Variants in DAB1 observed in about 807,000 individuals in gnomAD.
The protein encoded by DAB1 is DAB adaptor protein 1.
A neutral mutation model predicts 64.6 loss-of-function variants in DAB1; 15 were observed. The observed-to-expected ratio is 0.23, with a 90% CI of 0.16 to 0.36. DAB1 has a LOEUF of 0.36. Ranked by LOEUF, DAB1 falls within the 10% of genes least tolerant of loss-of-function variation. DAB1 has a pLI of 1.00. For missense variants in DAB1, 596 were observed against 706.7 expected, an observed-to-expected ratio of 0.84 and a Z score of 1.78; for synonymous variants, 235 against 251.9, an observed-to-expected ratio of 0.93 and a Z score of 0.64.
intron 4 of DAB1, among the ~76,000 whole-genome samples, chr1:58,341,331 G>A (rs1038873429): frequency 3.3e-5 from 5 of 152,080 alleles, no homozygotes; most frequent in African/African-American, 1.2e-4. Context: ...CAGGAAAGTC[G>A]CATGCTTCTC....
chr1:58,296,445 G>A (rs974393701), intron 4 of DAB1, among the ~76,000 whole-genome samples: 44 of 152,136 alleles, frequency 2.9e-4, no homozygotes, highest in Non-Finnish European at 4.4e-4. Flanking sequence ...AGGCAGCTGC[G>A]GGTGGTTGGG....
At chr1:57,659,772 T>A (rs905529155) in intron 6 of DAB1, among the ~76,000 whole-genome samples, 1 of 151,582 alleles carries the variant, frequency 6.6e-6, no homozygotes, top group Non-Finnish European at 1.5e-5. Context: ...AGGTCAGGAG[T>A]TCAAGACCAG....
intron 2 of DAB1, among the ~76,000 whole-genome samples, chr1:57,182,121 G>A (rs1431294046): frequency 6.6e-6 from 1 of 152,160 alleles, no homozygotes; most frequent in Non-Finnish European, 1.5e-5. Context: ...TCCTGACCTT[G>A]TGATCTGCCC....
chr1:57,438,203 A>C (rs1213268669), intron 7 of DAB1, among the ~76,000 whole-genome samples: 1 of 151,646 alleles, frequency 6.6e-6, no homozygotes, highest in Non-Finnish European at 1.5e-5. Flanking sequence ...CACAAAGATC[A>C]TCTGAGATGA....
rs186336330 is a variant in DAB1 at position 57,128,835 on chromosome 1, C to T, written c.306+7708G>A. ...TGGTGAGCAGAAAAATGATCACTTGCTTGCAAGAGGCCCTCACTATGCCCA... is the reference window on the plus strand; with the variant it reads ...TGGTGAGCAGAAAAATGATCACTTGTTTGCAAGAGGCCCTCACTATGCCCA... On this transcript the variant is annotated intron_variant, in intron 4 of 14. Transcript: ENST00000371236. Among the ~76,000 whole-genome samples the T allele has an allele frequency of 4.9e-3, 750 of 152,276 alleles. 3 individuals are homozygous for T. Among genetic ancestry groups the T allele is most frequent in the Non-Finnish European group, 8.3e-3 (564 of 68,012 alleles).
At chr1:58,363,526 G>A (rs763449637) in intron 3 of DAB1, among the ~76,000 whole-genome samples, 4 of 152,210 alleles carry the variant, frequency 2.6e-5, no homozygotes, top group Non-Finnish European at 4.4e-5. Flanking sequence ...TTGTTAGAAG[G>A]AAGTTGATCA....
At chr1:58,294,598 C>T (rs1299520087) in intron 4 of DAB1, among the ~76,000 whole-genome samples, 1 of 152,098 alleles carries the variant, frequency 6.6e-6, no homozygotes, top group African/African-American at 2.4e-5. Flanking sequence ...GTCACAGAAA[C>T]ATGTCATGGA....
intron 4 of DAB1, among the ~76,000 whole-genome samples, chr1:57,103,776 G>T (rs1654894465): frequency 6.6e-6 from 1 of 152,180 alleles, no homozygotes; most frequent in Non-Finnish European, 1.5e-5. Context: ...TAAAAGGATT[G>T]CTTGTGGCTT....
intron 1 of DAB1, among the ~76,000 whole-genome samples, chr1:57,406,303 T>C (rs1355486047): frequency 6.6e-6 from 1 of 152,208 alleles, no homozygotes. Flanking sequence ...CCTCCCTTAC[T>C]CTTACTCTGG....
intron 1 of DAB1, among the ~76,000 whole-genome samples, chr1:57,342,756 A>G (rs1677704386): frequency 6.7e-6 from 1 of 149,990 alleles, no homozygotes; most frequent in African/African-American, 2.4e-5. Context: ...TCGCTGGCTC[A>G]GGAGTGAAGC....
At chr1:57,922,595 C>T (rs1020215349) in intron 5 of DAB1, among the ~76,000 whole-genome samples, 9 of 151,824 alleles carry the variant, frequency 5.9e-5, no homozygotes, top group Admixed American at 2.0e-4. Context: ...TTGGAAAATG[C>T]ACAAATGATA....
rs1570694197 is a variant in DAB1 at position 57,101,956 on chromosome 1, G to GC, written c.307-29543_307-29542insG. On this transcript the variant is annotated intron_variant, in intron 4 of 14. Transcript: ENST00000371236. ...CTAAAGCCATTGAGCTAGTATGCTGGTGGAGCTGAGATTTGAATCCAGGCT... is the reference window on the plus strand; with the variant it reads ...CTAAAGCCATTGAGCTAGTATGCTGGCTGGAGCTGAGATTTGAATCCAGGCT... 4.6e-5 allele frequency among the ~76,000 whole-genome samples: 7 copies of GC among 152,288 alleles called. No homozygotes were observed. The East Asian group carries it at 1.3e-3, about 29-fold the overall frequency.
At chr1:58,145,022 T>C (rs999073374) in intron 5 of DAB1, among the ~76,000 whole-genome samples, 8 of 152,220 alleles carry the variant, frequency 5.3e-5, no homozygotes, top group African/African-American at 1.4e-4. Context: ...GCATAGGCAG[T>C]CAGGGGATGG....
intron 2 of DAB1, among the ~76,000 whole-genome samples, chr1:57,254,872 C>T (rs1315533054): frequency 6.6e-6 from 1 of 152,080 alleles, no homozygotes; most frequent in Non-Finnish European, 1.5e-5. Flanking sequence ...CACACACACA[C>T]ACAATTGAAA....
At chr1:58,477,033 T>C (rs1290813061) in intron 3 of DAB1, among the ~76,000 whole-genome samples, 1 of 152,204 alleles carries the variant, frequency 6.6e-6, no homozygotes, top group East Asian at 1.9e-4. Flanking sequence ...AAGACTGCAG[T>C]ATTGCCAAAA....
In DAB1 at chr1:57,756,661, G is replaced by A. The variant is rs143578024; in HGVS notation, n.552-106996C>T. ...GAAGTCCAGTTATGAGGCCACTTCC[G>A]TACTGCAGGCAATAAAAAAAAAAAA... On this transcript the variant is annotated intron_variant and non_coding_transcript_variant, in intron 6 of 20. Transcript: ENST00000485760. Among the ~76,000 whole-genome samples, 37 of 150,766 alleles carry A rather than the reference G, an allele frequency of 2.5e-4. No homozygotes were observed. The East Asian group carries it at 6.3e-3, about 26-fold the overall frequency.
chr1:57,784,113 T>C (rs533015177), intron 6 of DAB1, among the ~76,000 whole-genome samples: 10 of 152,272 alleles, frequency 6.6e-5, no homozygotes, highest in African/African-American at 2.2e-4. Flanking sequence ...GCTTAATGAG[T>C]GGCTCATGCC....
At chr1:58,233,954 T>C (rs956339176) in intron 4 of DAB1, among the ~76,000 whole-genome samples, 9 of 152,304 alleles carry the variant, frequency 5.9e-5, no homozygotes, top group African/African-American at 1.9e-4. Flanking sequence ...ACAACCAGTC[T>C]CGACTCTCAC....
At position 57,523,988 on chromosome 1, in the gene DAB1, G is replaced by A. The variant is rs566411873; in HGVS notation, n.625+125604C>T. 2.6e-5 allele frequency among the ~76,000 whole-genome samples: 4 copies of A among 152,092 alleles called. No homozygotes were observed. In the East Asian group the frequency reaches 7.7e-4, roughly 29 times the overall value. On this transcript the variant is annotated intron_variant and non_coding_transcript_variant, in intron 7 of 20. Transcript: ENST00000485760. ...GAAAAATGAGTTCTATAAATGAAAA[G>A]CATGATCACTTAAATTTTAAACAAA...
Sources: gnomAD v4.1 joint callset for allele counts (sites outside exome capture counted in the v4.1 genomes callset) on GRCh38, gnomAD v4.1.1 for gene constraint, MANE v1.5 for transcripts, NCBI Gene and HGNC (gene_info 2026-07-23, HGNC 2026-07-21) for gene names.